Variants in BTBD10 observed in about 807,000 individuals in gnomAD.
BTBD10 encodes BTB/POZ domain-containing protein 10.
A neutral mutation model predicts 53.2 loss-of-function variants in BTBD10; 21 were observed. The observed-to-expected ratio is 0.39, with a 90% CI of 0.28 to 0.57. BTBD10 has a LOEUF of 0.57. BTBD10 is among the 20% of genes least tolerant of loss of function. The probability of loss-of-function intolerance (pLI) is 0.53; values close to 1 mark genes in which losing one functional copy is unlikely to be tolerated. For missense variants in BTBD10, 360 were observed against 594.7 expected, an observed-to-expected ratio of 0.61 and a Z score of 4.10; for synonymous variants, 149 against 192.7, an observed-to-expected ratio of 0.77 and a Z score of 1.88.
chr11:13,413,072 C>T (rs1241987761), intron 6 of BTBD10, among the ~76,000 whole-genome samples: 1 of 152,168 alleles, frequency 6.6e-6, no homozygotes, highest in African/African-American at 2.4e-5. Context: ...GAGGGCTAGA[C>T]ATTCAATCTA....
Position 13,445,084 on chromosome 11 carries a change from T to A in BTBD10, c.41A>T (p.Asp14Val). 6.2e-7 allele frequency: 1 copy of A among 1,613,392 alleles called. No individual in the cohort carries two copies. The highest frequency in any genetic ancestry group is 8.5e-7 in the Non-Finnish European group (1 of 1,179,504). ...CAATTTCCGATCCCAATTCTCTGGA[T>A]CACTGGAGTTACCATCATAGGGATG... ...RPHPYDGNSS[D>V]PENWDRKLHS... is the part of the protein sequence containing the mutation. The change falls in exon 2 of 9, where the codon GAT becomes GTT. Residue 14 changes from aspartate to valine, a missense_variant. Transcript: ENST00000278174.
chr11:13,462,416 T>A (rs1951120062), intron 1 of BTBD10, among the ~76,000 whole-genome samples: 1 of 152,178 alleles, frequency 6.6e-6, no homozygotes, highest in South Asian at 2.1e-4. Flanking sequence ...TGACTTTTCA[T>A]CATGGACTCA....
chr11:13,397,792 G>A (rs990056882), intron 8 of BTBD10, among the ~76,000 whole-genome samples: 22 of 152,094 alleles, frequency 1.4e-4, no homozygotes, highest in Non-Finnish European at 4.4e-5. Flanking sequence ...CCTTCATTTC[G>A]TTATGTACCC....
chr11:13,413,505 C>T (rs1950013294), intron 6 of BTBD10, 25 bp downstream of exon 6: 1 of 1,587,460 alleles, frequency 6.3e-7, no homozygotes, highest in African/African-American at 1.4e-5. Context: ...CTACAAACCA[C>T]TTACACACAA....
rs373611023 is a variant in BTBD10, at chr11:13,421,647, T to C, written c.293A>G (p.His98Arg). ...GGTTAGTTGATTTTACATACCAACA[T>C]GGTGCTGTCGTGTTGGAGAAGTCAC... ...RNVTSPTRQH[H>R]VEREKDHSSS... is the part of the protein sequence containing the mutation. Residue 98 changes from histidine (H) to arginine (R), a missense_variant, in exon 3 of 9, where the codon CAT (histidine) becomes CGT (arginine). His to Arg is a conservative substitution (Grantham distance 29, BLOSUM62 0). Coordinates refer to ENST00000278174, the MANE Select transcript of BTBD10 (RefSeq NM_032320.7). 8.1e-6 allele frequency: 13 copies of C among 1,611,674 alleles called. No individual in the cohort carries two copies. The East Asian group carries it at 8.9e-5, about 11-fold the overall frequency.
chr11:13,394,788 T>C lies in BTBD10; in HGVS notation c.1118-5647A>G, dbSNP rs1418486606. Among the ~76,000 whole-genome samples, 5 of 150,744 alleles carry C rather than the reference T, an allele frequency of 3.3e-5. No individual in the cohort carries two copies. The East Asian group carries it at 9.8e-4, about 30-fold the overall frequency. On this transcript the variant is annotated intron_variant, in intron 8 of 8. Transcript: ENST00000278174. Reference sequence around the variant, plus strand: ...CAATTCCCACCTATGAGTGAGACCATGCGGTGTTTGGCTTTGTCCTTGCGA... The same window carrying C: ...CAATTCCCACCTATGAGTGAGACCACGCGGTGTTTGGCTTTGTCCTTGCGA...
chr11:13,446,926 C>G (rs545127316), intron 1 of BTBD10, among the ~76,000 whole-genome samples: 6 of 151,548 alleles, frequency 4.0e-5, no homozygotes. Flanking sequence ...ATGAACAAAT[C>G]GGAGAAGCAA....
chr11:13,457,086 T>C (rs1950985405), intron 1 of BTBD10, among the ~76,000 whole-genome samples: 1 of 151,902 alleles, frequency 6.6e-6, no homozygotes, highest in Non-Finnish European at 1.5e-5. Flanking sequence ...CACTTAAGCC[T>C]GAGAGGTGAA....
At chr11:13,392,499 A>G (rs56384052) in intron 8 of BTBD10, among the ~76,000 whole-genome samples, 21,864 of 152,114 alleles carry the variant, frequency 0.14, 1,833 homozygotes, top group African/African-American at 0.21. Context: ...GAGGACAGCC[A>G]TGAGTAAATT....
At chr11:13,402,552 A>G (rs1591101131) in intron 8 of BTBD10, among the ~76,000 whole-genome samples, 1 of 152,214 alleles carries the variant, frequency 6.6e-6, no homozygotes, top group East Asian at 1.9e-4. Flanking sequence ...GTCATGTTAT[A>G]TCAATTAAGA....
chr11:13,392,011 C>A (rs1033143530), intron 8 of BTBD10, among the ~76,000 whole-genome samples: 2 of 152,182 alleles, frequency 1.3e-5, no homozygotes, highest in African/African-American at 4.8e-5. Context: ...CCCTGACTTG[C>A]AGATTTACCA....
chr11:13,427,932 T>G (rs558518058), intron 2 of BTBD10, among the ~76,000 whole-genome samples: 1 of 151,782 alleles, frequency 6.6e-6, no homozygotes, highest in Non-Finnish European at 1.5e-5. Flanking sequence ...TAAAAGAAAG[T>G]GGAAAAAACC....
intron 5 of BTBD10, among the ~76,000 whole-genome samples, chr11:13,415,001 T>C (rs909993853): frequency 2.0e-5 from 3 of 152,082 alleles, no homozygotes; most frequent in Non-Finnish European, 4.4e-5. Flanking sequence ...AGATCAACTA[T>C]TTTCCCTATC....
At chr11:13,454,324 G>C (rs549377230) in intron 1 of BTBD10, among the ~76,000 whole-genome samples, 9 of 152,172 alleles carry the variant, frequency 5.9e-5, no homozygotes, top group African/African-American at 2.2e-4. Flanking sequence ...GGGGATAAAA[G>C]ACAGAAAATA....
intron 1 of BTBD10, among the ~76,000 whole-genome samples, chr11:13,449,685 A>G (rs1192169271): frequency 6.6e-6 from 1 of 152,190 alleles, no homozygotes; most frequent in Admixed American, 6.5e-5. Flanking sequence ...TGGAGGCTGG[A>G]AAGTCCAAAA....
intron 4 of BTBD10, among the ~76,000 whole-genome samples, chr11:13,419,006 C>T (rs1299526503): frequency 7.6e-5 from 10 of 132,424 alleles, no homozygotes; most frequent in African/African-American, 2.5e-4. Flanking sequence ...GTATCTACAT[C>T]GAACTGACAA....
intron 6 of BTBD10, among the ~76,000 whole-genome samples, chr11:13,408,681 TCTC>T (rs1444550732): frequency 2.0e-5 from 3 of 152,114 alleles, no homozygotes; most frequent in African/African-American, 4.8e-5. Flanking sequence ...TGGTTAAAGC[TCTC>T]CTCTTCTTTC....
intron 4 of BTBD10, among the ~76,000 whole-genome samples, chr11:13,418,566 AT>A (rs1327942954): frequency 3.3e-5 from 5 of 151,942 alleles, no homozygotes; most frequent in African/African-American, 7.2e-5. Flanking sequence ...TAGTTCAAAG[AT>A]TTTTTTTCAT....
At chr11:13,449,960 G>A (rs575281466) in intron 1 of BTBD10, among the ~76,000 whole-genome samples, 50 of 152,128 alleles carry the variant, frequency 3.3e-4, no homozygotes, top group African/African-American at 1.2e-3. Context: ...TGGATTTTTG[G>A]GGACACAGTC....
Sources: allele counts gnomAD v4.1 joint callset (sites outside exome capture counted in the v4.1 genomes callset), GRCh38; gene constraint gnomAD v4.1.1; transcripts MANE v1.5; gene names NCBI Gene and HGNC (gene_info 2026-07-23, HGNC 2026-07-21).